Variants in GRB14 observed in about 807,000 individuals in gnomAD.
GRB14 encodes growth factor receptor bound protein 14, also known as growth factor receptor-bound protein 14.
A neutral mutation model predicts 69.1 loss-of-function variants in GRB14; 38 were observed. The ratio of observed to expected loss-of-function variants is 0.55; its 90% CI spans 0.42 to 0.72. The LOEUF (loss-of-function observed/expected upper bound fraction) is 0.72, where lower values mean the gene tolerates loss of function less well. Among genes scored for constraint, GRB14 ranks in the 30% least tolerant of loss-of-function variants. The pLI, the probability that GRB14 is intolerant of heterozygous loss-of-function variation, is 0.00. For synonymous variants in GRB14, 247 were observed against 241.3 expected (o/e 1.02, Z -0.22); for missense variants, 666 against 666.1 (o/e 1.00, Z 0.00).
At chr2:164,515,980 T>A (rs1204366743) in intron 6 of GRB14, among the ~76,000 whole-genome samples, 1 of 151,718 alleles carries the variant, frequency 6.6e-6, no homozygotes, top group Admixed American at 6.6e-5. Flanking sequence ...ACTTCAGAAC[T>A]CAAAGTCAAG....
intron 2 of GRB14, among the ~76,000 whole-genome samples, chr2:164,589,537 G>A (rs1160760552): frequency 1.3e-5 from 2 of 152,108 alleles, no homozygotes. Context: ...CATGGCAAGA[G>A]AGGAAGCAAG....
At chr2:164,508,895 A>G in intron 6 of GRB14, 43 bp from the exon 7 acceptor site, 2 of 1,346,848 alleles carry the variant, frequency 1.5e-6, no homozygotes, top group Non-Finnish European at 1.0e-6. Flanking sequence ...TTTTTGCATT[A>G]TCTTTTTTGT....
intron 2 of GRB14, among the ~76,000 whole-genome samples, chr2:164,601,407 CTT>C (rs1383821703): frequency 6.6e-6 from 1 of 152,020 alleles, no homozygotes; most frequent in African/African-American, 2.4e-5. Flanking sequence ...AAGGACAACT[CTT>C]TTTATTGTTT....
intron 6 of GRB14, among the ~76,000 whole-genome samples, chr2:164,514,268 C>T (rs1254442082): frequency 2.0e-5 from 3 of 152,156 alleles, no homozygotes; most frequent in Non-Finnish European, 4.4e-5. Context: ...TGAACTTTTG[C>T]TCCAAGAACC....
intron 2 of GRB14, among the ~76,000 whole-genome samples, chr2:164,566,670 T>C (rs561623751): frequency 6.6e-6 from 1 of 152,242 alleles, no homozygotes; most frequent in Admixed American, 6.5e-5. Flanking sequence ...CCTAGGCTAA[T>C]TGTTCAAACT....
chr2:164,596,348 G>A (rs76073099), intron 2 of GRB14, among the ~76,000 whole-genome samples: 1,728 of 152,234 alleles, frequency 0.011, 33 homozygotes, highest in African/African-American at 0.039. Flanking sequence ...TTTGTCTTTT[G>A]AAATATTGTT....
intron 2 of GRB14, among the ~76,000 whole-genome samples, chr2:164,576,257 A>G (rs1378574053): frequency 1.3e-5 from 2 of 152,042 alleles, no homozygotes; most frequent in African/African-American, 4.8e-5. Flanking sequence ...ACTGTTATCC[A>G]ACCTTCTCAA....
At chr2:164,502,004 C>T (rs1190884455) in intron 9 of GRB14, among the ~76,000 whole-genome samples, 1 of 151,670 alleles carries the variant, frequency 6.6e-6, no homozygotes, top group African/African-American at 2.4e-5. Context: ...ATATTTAAAA[C>T]TTTAACATAT....
At chr2:164,557,139 G>A (rs1286047656) in intron 2 of GRB14, among the ~76,000 whole-genome samples, 6 of 152,174 alleles carry the variant, frequency 3.9e-5, no homozygotes, top group African/African-American at 1.4e-4. Flanking sequence ...ACACCTGTGT[G>A]GGACAAACAT....
intron 8 of GRB14, 80 bp downstream of exon 8, chr2:164,508,375 A>T: frequency 9.0e-7 from 1 of 1,112,490 alleles, no homozygotes; most frequent in Non-Finnish European, 1.4e-6. Flanking sequence ...GTGAGACTTC[A>T]CGTTCTGAAA....
At chr2:164,528,462 T>C (rs555353534) in intron 3 of GRB14, among the ~76,000 whole-genome samples, 3 of 152,242 alleles carry the variant, frequency 2.0e-5, no homozygotes, top group African/African-American at 7.2e-5. Flanking sequence ...CAACATTCAG[T>C]AGTGATTTGT....
At chr2:164,600,981 GA>G (rs34431716) in intron 2 of GRB14, among the ~76,000 whole-genome samples, 7 of 145,286 alleles carry the variant, frequency 4.8e-5, no homozygotes, top group Admixed American at 6.8e-5. Context: ...CTTTCCAATG[GA>G]AAAAAAAAAG....
chr2:164,602,146 AG>A (rs1300412091), intron 2 of GRB14, among the ~76,000 whole-genome samples: 7 of 148,328 alleles, frequency 4.7e-5, no homozygotes, highest in African/African-American at 1.7e-4. Flanking sequence ...AAAAAAAAAA[AG>A]GAAAGGAGGG....
intron 5 of GRB14, among the ~76,000 whole-genome samples, chr2:164,523,967 T>C (rs896197478): frequency 4.6e-5 from 7 of 152,106 alleles, no homozygotes; most frequent in Non-Finnish European, 1.0e-4. Context: ...GCACAGCTGC[T>C]GCTGCCATTT....
chr2:164,537,959 A>G (rs1688121494), intron 3 of GRB14, among the ~76,000 whole-genome samples: 2 of 151,948 alleles, frequency 1.3e-5, no homozygotes, highest in African/African-American at 4.8e-5. Flanking sequence ...GTCCAACTAC[A>G]TGTCAGCTCC....
chr2:164,546,019 C>T (rs1032237142), intron 3 of GRB14, among the ~76,000 whole-genome samples: 3 of 152,220 alleles, frequency 2.0e-5, no homozygotes, highest in African/African-American at 7.2e-5. Flanking sequence ...AAGAGAACCA[C>T]TGCTATGGAT....
chr2:164,535,911 C>T (rs1172716982), intron 3 of GRB14, among the ~76,000 whole-genome samples: 1 of 152,152 alleles, frequency 6.6e-6, no homozygotes, highest in Non-Finnish European at 1.5e-5. Context: ...TCCGACCCAA[C>T]CATTGGAACT....
chr2:164,541,308 T>TA (rs912489233), intron 3 of GRB14, among the ~76,000 whole-genome samples: 1 of 151,650 alleles, frequency 6.6e-6, no homozygotes, highest in Non-Finnish European at 1.5e-5. Context: ...GACTCTAGTT[T>TA]AAAAAATACA....
At chr2:164,512,655 A>T (rs1687370291) in intron 6 of GRB14, among the ~76,000 whole-genome samples, 1 of 152,208 alleles carries the variant, frequency 6.6e-6, no homozygotes, top group Non-Finnish European at 1.5e-5. Flanking sequence ...ATGAAGCATT[A>T]TACCACAAGG....
Sources: allele counts gnomAD v4.1 joint callset (sites outside exome capture counted in the v4.1 genomes callset), GRCh38; gene constraint gnomAD v4.1.1; transcripts MANE v1.5; gene names NCBI Gene and HGNC (gene_info 2026-07-23, HGNC 2026-07-21).